Variants in CTTNBP2 observed in about 807,000 individuals in gnomAD.
CTTNBP2 encodes the protein cortactin binding protein 2.
In CTTNBP2, 108 loss-of-function variants were observed where a neutral mutation model predicts 156.9. The ratio of observed to expected loss-of-function variants is 0.69; its 90% confidence interval spans 0.59 to 0.81. The LOEUF (loss-of-function observed/expected upper bound fraction) is 0.81, where lower values mean the gene tolerates loss of function less well. Among genes scored for constraint, CTTNBP2 ranks in the 30% least tolerant of loss-of-function variants. The probability of loss-of-function intolerance (pLI) is 0.00; values close to 1 mark genes in which losing one functional copy is unlikely to be tolerated. For synonymous variants in CTTNBP2, 767 were observed against 751.8 expected (o/e 1.02, Z -0.33); for missense variants, 1,924 against 2,035.4 (o/e 0.95, Z 1.05).
At chr7:117,849,461 A>T (rs1372206923) in intron 2 of CTTNBP2, among the ~76,000 whole-genome samples, 14 of 152,296 alleles carry the variant, frequency 9.2e-5, no homozygotes, top group Middle Eastern at 3.4e-3. Context: ...CAAAAGCCTC[A>T]GATCATTCCA....
At chr7:117,734,705 G>A (rs567611775) in intron 16 of CTTNBP2, among the ~76,000 whole-genome samples, 6 of 152,296 alleles carry the variant, frequency 3.9e-5, no homozygotes, top group African/African-American at 9.6e-5. Flanking sequence ...TGATAGCCAC[G>A]GTAAAACTAA....
intron 1 of CTTNBP2, among the ~76,000 whole-genome samples, chr7:117,869,355 T>C (rs1264930308): frequency 6.6e-6 from 1 of 152,206 alleles, no homozygotes; most frequent in Admixed American, 6.5e-5. Context: ...CCAATCAACA[T>C]TAAATTTTAT....
At chr7:117,817,432 T>C (rs1487075617) in intron 2 of CTTNBP2, among the ~76,000 whole-genome samples, 2 of 143,372 alleles carry the variant, frequency 1.4e-5, no homozygotes, top group African/African-American at 5.1e-5. Flanking sequence ...GTTGAGAATG[T>C]CGTAAGCAGG....
At chr7:117,760,806 A>G (rs1198008247) in intron 9 of CTTNBP2, 96 bp from the exon 10 acceptor site, 46 of 813,870 alleles carry the variant, frequency 5.7e-5, no homozygotes. Flanking sequence ...AACATTTAAA[A>G]ATTATAAACC....
chr7:117,787,236 A>G (rs1357446741), intron 4 of CTTNBP2, among the ~76,000 whole-genome samples: 1 of 152,242 alleles, frequency 6.6e-6, no homozygotes, highest in African/African-American at 2.4e-5. Flanking sequence ...CGGTATTCAT[A>G]CAGCTACTCT....
At chr7:117,871,996 G>C in intron 1 of CTTNBP2, 11 of 984,320 alleles carry the variant, frequency 1.1e-5, no homozygotes, top group Non-Finnish European at 1.3e-5. Context: ...CCCACAGAGG[G>C]GAGCTGATTC....
In CTTNBP2 at chr7:117,817,333, C is replaced by CAAAAA. The variant is rs1165563266; in HGVS notation, c.190-6349_190-6345dup. ...TGGGTGACAGAGCAAGACTCCATCTCAAAAAAAAAAAAAAAAAAAAAAAAA... is the reference window on the plus strand; with the variant it reads ...TGGGTGACAGAGCAAGACTCCATCTCAAAAAAAAAAAAAAAAAAAAAAAAAAAAAA... On this transcript the variant is annotated intron_variant, in intron 2 of 22. Transcript: ENST00000160373. Among the ~76,000 whole-genome samples the CAAAAA allele has an allele frequency of 1.1e-3, 30 of 27,206 alleles. 1 individual carries two copies. The highest frequency in any genetic ancestry group is 2.2e-3 in the Non-Finnish European group (27 of 12,002). The allele number at this position is 27,206 out of a possible 152,430, so 17.8% of individuals were successfully genotyped here. A position where few individuals can be genotyped will look rare whatever the true frequency, so the allele number is the denominator to read the frequency against.
At chr7:117,779,831 G>A (rs1798310417) in intron 7 of CTTNBP2, among the ~76,000 whole-genome samples, 2 of 151,904 alleles carry the variant, frequency 1.3e-5, no homozygotes, top group African/African-American at 4.8e-5. Context: ...CGCCATCTCA[G>A]CTCACCACAA....
At chr7:117,737,300 T>C (rs1249744547) in intron 14 of CTTNBP2, among the ~76,000 whole-genome samples, 3 of 152,218 alleles carry the variant, frequency 2.0e-5, no homozygotes, top group Non-Finnish European at 4.4e-5. Flanking sequence ...ACATTTTTAA[T>C]TCAGCGATTA....
intron 16 of CTTNBP2, among the ~76,000 whole-genome samples, chr7:117,733,646 G>A (rs1025176103): frequency 5.9e-5 from 9 of 152,152 alleles, no homozygotes; most frequent in South Asian, 2.1e-4. Context: ...TTATGACCAA[G>A]TAACTGATTT....
intron 6 of CTTNBP2, among the ~76,000 whole-genome samples, 180 bp downstream of exon 6, chr7:117,782,682 A>G (rs1231840672): frequency 9.9e-5 from 15 of 152,214 alleles, no homozygotes; most frequent in Admixed American, 9.8e-4. Context: ...AACATTAACT[A>G]TTATTAAGAG....
At chr7:117,788,944 A>G (rs1219919015) in intron 4 of CTTNBP2, among the ~76,000 whole-genome samples, 1 of 152,042 alleles carries the variant, frequency 6.6e-6, no homozygotes, top group African/African-American at 2.4e-5. Flanking sequence ...CAGAGAGTAG[A>G]AAATAAGGAA....
At chr7:117,723,462 TTGAG>T (rs2116404845) in intron 19 of CTTNBP2, among the ~76,000 whole-genome samples, 1 of 152,186 alleles carries the variant, frequency 6.6e-6, no homozygotes, top group South Asian at 2.1e-4. Context: ...AACAAATACT[TTGAG>T]AGAGGAGGAA....
At chr7:117,781,715 C>T (rs909614203) in intron 6 of CTTNBP2, among the ~76,000 whole-genome samples, 4 of 152,132 alleles carry the variant, frequency 2.6e-5, no homozygotes, top group Non-Finnish European at 5.9e-5. Context: ...TCCAGCCTGG[C>T]GACAGAGCAA....
intron 8 of CTTNBP2, among the ~76,000 whole-genome samples, chr7:117,773,758 T>C (rs1412778532): frequency 7.4e-6 from 1 of 135,188 alleles, no homozygotes; most frequent in Non-Finnish European, 1.6e-5. Context: ...GTCAGCAAAG[T>C]TGGAGAGGAA....
At chr7:117,862,248 G>C (rs1803807779) in intron 1 of CTTNBP2, among the ~76,000 whole-genome samples, 1 of 141,494 alleles carries the variant, frequency 7.1e-6, no homozygotes, top group African/African-American at 2.5e-5. Flanking sequence ...TGAGGCTGGA[G>C]TAAGTGAGCC....
Position 117,745,778 on chromosome 7 carries a change from A to G in CTTNBP2, c.3535+53T>C, listed in dbSNP as rs1796292304. ...CAGTGTATTTTCTCTTAATGGCATA[A>G]TTGAAGAGCATGCCTTTAGGTTATC... On this transcript the variant is annotated intron_variant, in intron 14 of 22. Coordinates refer to ENST00000160373, the MANE Select transcript of CTTNBP2 (RefSeq NM_033427.3). The G allele has an allele frequency of 3.4e-6, 4 of 1,165,960 alleles. No individual in the cohort carries two copies. In the Admixed American group the frequency reaches 5.2e-5, roughly 15 times the overall value. 72.2% of individuals were successfully genotyped at this position (1,165,960 alleles called of 1,614,324 possible).
At chr7:117,749,148 T>G (rs768011237) in intron 12 of CTTNBP2, among the ~76,000 whole-genome samples, 1 of 152,240 alleles carries the variant, frequency 6.6e-6, no homozygotes, top group Non-Finnish European at 1.5e-5. Context: ...TGTTCTTCCC[T>G]GAGTTTTCAG....
chr7:117,722,651 CTGTT>C (rs1254979798), intron 19 of CTTNBP2, among the ~76,000 whole-genome samples: 1 of 152,074 alleles, frequency 6.6e-6, no homozygotes, highest in Non-Finnish European at 1.5e-5. Flanking sequence ...TTTGTTGATT[CTGTT>C]TGTCTACTCT....
Sources: gnomAD v4.1 joint callset for allele counts (sites outside exome capture counted in the v4.1 genomes callset) on GRCh38, gnomAD v4.1.1 for gene constraint, MANE v1.5 for transcripts, NCBI Gene and HGNC (gene_info 2026-07-23, HGNC 2026-07-21) for gene names.